The following IQGAP2 variants were observed in gnomAD, a reference collection of about 807,000 sequenced individuals.
IQGAP2 encodes the protein ras GTPase-activating-like protein IQGAP2.
Under a neutral mutation model 201.3 loss-of-function variants are expected in IQGAP2, and 173 were observed. The ratio of observed to expected loss-of-function variants is 0.86; its 90% confidence interval spans 0.76 to 0.98. The LOEUF is 0.98. Among genes scored for constraint, IQGAP2 ranks in the 50% least tolerant of loss-of-function variants. The probability of loss-of-function intolerance (pLI) is 0.00; values close to 1 mark genes in which losing one functional copy is unlikely to be tolerated. For missense variants in IQGAP2, 1,687 were observed against 1,864.8 expected, an observed-to-expected ratio of 0.90 and a Z score of 1.76; for synonymous variants, 675 against 673.9, an observed-to-expected ratio of 1.00 and a Z score of -0.03.
intron 35 of IQGAP2, among the ~76,000 whole-genome samples, chr5:76,705,606 A>G (rs562393760): frequency 1.3e-5 from 2 of 152,244 alleles, no homozygotes; most frequent in African/African-American, 4.8e-5. Context: ...AATCTCCTCT[A>G]CACTCTAAAT....
intron 2 of IQGAP2, among the ~76,000 whole-genome samples, chr5:76,465,316 A>G (rs1754708946): frequency 6.6e-6 from 1 of 152,258 alleles, no homozygotes; most frequent in African/African-American, 2.4e-5. Flanking sequence ...CCATATGATC[A>G]TCTCAATATA....
At chr5:76,638,498 G>T (rs1209858743) in intron 16 of IQGAP2, among the ~76,000 whole-genome samples, 1 of 152,138 alleles carries the variant, frequency 6.6e-6, no homozygotes, top group East Asian at 1.9e-4. Context: ...CATGTGCCTT[G>T]TCCATTGTAG....
intron 2 of IQGAP2, among the ~76,000 whole-genome samples, chr5:76,536,065 CTTT>C (rs545584812): frequency 1.6e-5 from 2 of 123,716 alleles, no homozygotes; most frequent in Non-Finnish European, 1.6e-5. Context: ...GGAGCATATT[CTTT>C]TTTTTTTTTT....
intron 27 of IQGAP2, 167 bp from the exon 28 acceptor site, chr5:76,677,051 C>T: frequency 3.4e-6 from 2 of 595,410 alleles, no homozygotes; most frequent in Non-Finnish European, 5.8e-6. Context: ...AACATGGATG[C>T]AGCTCCGACA....
intron 35 of IQGAP2, among the ~76,000 whole-genome samples, chr5:76,703,156 G>A (rs1176653943): frequency 7.0e-6 from 1 of 142,794 alleles, no homozygotes; most frequent in Non-Finnish European, 1.5e-5. Flanking sequence ...GTGGGGGGAG[G>A]GGGTGGGGGG....
At position 76,463,123 on chromosome 5, in the gene IQGAP2, T is replaced by TAA. The variant is rs5868826; in HGVS notation, c.146+1473_146+1474dup. On this transcript the variant is annotated intron_variant, in intron 2 of 35. Coordinates refer to ENST00000274364, the MANE Select transcript of IQGAP2 (RefSeq NM_006633.5). The stretch of plus-strand genomic sequence containing the variant: ...GGGTGGCAGAGTGAGACGCTGTCTT[T>TAA]AAAAAAAAAAAAAAAAAAAAGGAAA... Among the ~76,000 whole-genome samples the TAA allele has an allele frequency of 7.1e-3, 746 of 105,550 alleles. 9 individuals carry two copies. The highest frequency in any genetic ancestry group is 0.021 in the African/African-American group (569 of 27,506). 69.2% of individuals were successfully genotyped at this position (105,550 alleles called of 152,430 possible). A position where few individuals can be genotyped will look rare whatever the true frequency, so the allele number is the denominator to read the frequency against.
intron 2 of IQGAP2, among the ~76,000 whole-genome samples, chr5:76,555,336 A>G (rs976688691): frequency 1.3e-5 from 2 of 152,238 alleles, no homozygotes; most frequent in African/African-American, 4.8e-5. Context: ...ACACAGTCAT[A>G]TTACATAATT....
At chr5:76,569,419 G>A (rs931971940) in intron 3 of IQGAP2, among the ~76,000 whole-genome samples, 5 of 134,068 alleles carry the variant, frequency 3.7e-5, no homozygotes, top group Admixed American at 3.1e-4. Context: ...AAATAAAGCT[G>A]TTATGAACAC....
intron 2 of IQGAP2, among the ~76,000 whole-genome samples, chr5:76,520,350 C>T (rs527451127): frequency 7.2e-5 from 11 of 152,246 alleles, no homozygotes; most frequent in African/African-American, 2.2e-4. Context: ...TTAGTAGAGA[C>T]GGGGTTTCTC....
intron 11 of IQGAP2, among the ~76,000 whole-genome samples, chr5:76,601,674 A>G (rs992288298): frequency 6.6e-6 from 1 of 152,210 alleles, no homozygotes; most frequent in Admixed American, 6.5e-5. Context: ...AGATGTCTGC[A>G]CAGATCTTGA....
At chr5:76,504,736 T>C (rs1168113612) in intron 2 of IQGAP2, among the ~76,000 whole-genome samples, 1 of 152,224 alleles carries the variant, frequency 6.6e-6, no homozygotes, top group Non-Finnish European at 1.5e-5. Context: ...CACGTCCTTA[T>C]CATGTGAAGG....
At chr5:76,597,678 A>T (rs1233065923) in intron 10 of IQGAP2, 76 bp downstream of exon 10, 1 of 1,488,840 alleles carries the variant, frequency 6.7e-7, no homozygotes, top group Non-Finnish European at 9.3e-7. Flanking sequence ...CTAGTTAGGA[A>T]AGGGGAATAG....
At chr5:76,648,288 G>A (rs1467688182) in intron 17 of IQGAP2, among the ~76,000 whole-genome samples, 1 of 152,092 alleles carries the variant, frequency 6.6e-6, no homozygotes, top group East Asian at 1.9e-4. Flanking sequence ...AGTTATGTTT[G>A]TTTATATAGA....
chr5:76,444,830 T>C (rs958655533), intron 1 of IQGAP2, among the ~76,000 whole-genome samples: 2 of 152,022 alleles, frequency 1.3e-5, no homozygotes, highest in Non-Finnish European at 2.9e-5. Context: ...TGGGATTGGG[T>C]TTTTTCATAG....
At chr5:76,641,261 A>G (rs1299950673) in intron 17 of IQGAP2, among the ~76,000 whole-genome samples, 158 bp downstream of exon 17, 1 of 152,200 alleles carries the variant, frequency 6.6e-6, no homozygotes, top group East Asian at 1.9e-4. Context: ...CTAAGGCTTT[A>G]AAATAGGAAG....
intron 34 of IQGAP2, among the ~76,000 whole-genome samples, chr5:76,702,278 A>G (rs1215642047): frequency 6.6e-6 from 1 of 152,210 alleles, no homozygotes. Flanking sequence ...TCTATGAGCT[A>G]CAGATCTCAA....
In IQGAP2 at chr5:76,677,208, C is replaced by T. The variant is rs1744896083; in HGVS notation, c.3528-10C>T. On this transcript the variant is annotated splice_polypyrimidine_tract_variant and intron_variant, in intron 27 of 35. Coordinates refer to ENST00000274364, the MANE Select transcript of IQGAP2 (RefSeq NM_006633.5). The stretch of plus-strand genomic sequence containing the variant: ...TGAGTCTGTCTTAAGACTTTTCCCC[C>T]CTTTATTAGGAAATATTTCAAAGAA... 4 of 1,611,218 alleles carry T rather than the reference C, an allele frequency of 2.5e-6. No individual in the cohort carries two copies. Among genetic ancestry groups the T allele is most frequent in the Non-Finnish European group, 3.4e-6 (4 of 1,178,784 alleles).
intron 35 of IQGAP2, among the ~76,000 whole-genome samples, chr5:76,703,162 G>A (rs994953323): frequency 7.5e-6 from 1 of 133,184 alleles, no homozygotes; most frequent in African/African-American, 2.9e-5. Flanking sequence ...GGAGGGGGTG[G>A]GGGGGGGCAT....
chr5:76,510,927 T>C (rs1317104559), intron 2 of IQGAP2, among the ~76,000 whole-genome samples: 2 of 152,182 alleles, frequency 1.3e-5, no homozygotes, highest in Admixed American at 1.3e-4. Flanking sequence ...TGCAAGGCCT[T>C]GGACTCATGC....
Sources: allele counts gnomAD v4.1 joint callset (sites outside exome capture counted in the v4.1 genomes callset), GRCh38; gene constraint gnomAD v4.1.1; transcripts MANE v1.5; gene names NCBI Gene and HGNC (gene_info 2026-07-23, HGNC 2026-07-21).